The following SLC2A3 variants were observed in gnomAD, a reference collection of about 807,000 sequenced individuals.
The protein encoded by SLC2A3 is solute carrier family 2, facilitated glucose transporter member 3.
A neutral mutation model predicts 46.4 loss-of-function variants in SLC2A3; 21 were observed. That is an observed-to-expected ratio of 0.45 (90% CI 0.32 to 0.65). SLC2A3 has a LOEUF of 0.65. Among genes scored for constraint, SLC2A3 ranks in the 30% least tolerant of loss-of-function variants. The probability of loss-of-function intolerance (pLI) is 0.04; values close to 1 mark genes in which losing one functional copy is unlikely to be tolerated. For missense variants in SLC2A3, 499 were observed against 623.3 expected, an observed-to-expected ratio of 0.80 and a Z score of 2.12; for synonymous variants, 213 against 239.4, an observed-to-expected ratio of 0.89 and a Z score of 1.02.
intron 8 of SLC2A3, among the ~76,000 whole-genome samples, chr12:7,923,613 C>CA (rs58874969): frequency 0.043 from 6,372 of 149,698 alleles, 365 homozygotes; most frequent in East Asian, 0.23. Context: ...AACCCTGTCT[C>CA]AAAAAAAAAA....
chr12:7,922,795 T>C, intron 9 of SLC2A3, 26 bp downstream of exon 9: 1 of 1,613,416 alleles, frequency 6.2e-7, no homozygotes, highest in Non-Finnish European at 8.5e-7. Flanking sequence ...CATAGGCTGG[T>C]TTTAAGATAA....
rs371710025 is a variant in SLC2A3 at position 7,931,536 on chromosome 12, A to G, written c.270-51T>C. 3.1e-4 allele frequency: 500 copies of G among 1,610,080 alleles called. 3 individuals carry two copies. Among genetic ancestry groups the G allele is most frequent in the Non-Finnish European group, 4.0e-4 (468 of 1,177,040 alleles). ...AGAATTAGCAAAGTGAGAGGCTCCT[A>G]ACTTCTCCTCTGTCCTCATTATTCT... On this transcript the variant is annotated intron_variant, in intron 3 of 9. Transcript: ENST00000075120.
In SLC2A3 at chr12:7,922,940, G is replaced by A; in HGVS notation, c.1153C>T (p.Pro385Ser). The A allele has an allele frequency of 1.9e-6, 3 of 1,614,118 alleles. No homozygotes were observed. The highest frequency in any genetic ancestry group is 4.5e-5 in the East Asian group (2 of 44,888). Residue 385 changes from proline (P) to serine (S), a missense_variant, in exon 9 of 10, where the codon CCC becomes TCC. Transcript: ENST00000075120. Reference protein sequence around the residue: ...AFFEIGPGPIPWFIVAELFSQ... With the variant: ...AFFEIGPGPISWFIVAELFSQ... ...AAGAGTTCGGCCACAATAAACCAGG[G>A]AATGGGGCCTGGTCCAATTTCAAAG...
Position 7,936,153 on chromosome 12 carries a change from G to A in SLC2A3, c.-119C>T, listed in dbSNP as rs940239464. ...GCAGCAAGTTTTCTCCACGTCCTCAGGAAGGATCCAAAGTCTTACCATTAC... is the reference window on the plus strand; with the variant it reads ...GCAGCAAGTTTTCTCCACGTCCTCAAGAAGGATCCAAAGTCTTACCATTAC... On this transcript the variant is annotated 5_prime_UTR_variant, in exon 1 of 10. Coordinates refer to ENST00000075120, the MANE Select transcript of SLC2A3 (RefSeq NM_006931.3). 8 of 841,774 alleles carry A rather than the reference G, an allele frequency of 9.5e-6. No individual in the cohort carries two copies. The highest frequency in any genetic ancestry group is 8.3e-5 in the African/African-American group (5 of 59,972). 52.1% of individuals were successfully genotyped at this position (841,774 alleles called of 1,614,324 possible).
Position 7,921,232 on chromosome 12 carries a change from T to G in SLC2A3, c.*181A>C. ...GAAGAGGATGTCCAGGAAATAAAAT[T>G]TAAAAAGCCATTGAAGATCCAACAA... On this transcript the variant is annotated 3_prime_UTR_variant, in exon 10 of 10. Transcript: ENST00000075120. 1 of 1,264,212 alleles carries G rather than the reference T, an allele frequency of 7.9e-7. No individual in the cohort carries two copies. The highest frequency in any genetic ancestry group is 1.1e-6 in the Non-Finnish European group (1 of 914,708). The allele number at this position is 1,264,212 out of a possible 1,614,324, so 78.3% of individuals were successfully genotyped here. A position where few individuals can be genotyped will look rare whatever the true frequency, so the allele number is the denominator to read the frequency against.
rs903575633 is a variant in SLC2A3, at chr12:7,921,484, T to C, written c.1420A>G (p.Arg474Gly). The C allele has an allele frequency of 2.5e-6, 4 of 1,613,856 alleles. No individual in the cohort carries two copies. In the African/African-American group the frequency reaches 5.3e-5, roughly 22 times the overall value. Reference sequence around the variant, plus strand: ...TCCATGACGCCGTCCTTTCCAGATCTATCTGCACCGTGTGCCTGCCCTTCA... The same window carrying C: ...TCCATGACGCCGTCCTTTCCAGATCCATCTGCACCGTGTGCCTGCCCTTCA... ...AFEGQAHGADRSGKDGVMEMN... is the reference protein window; with the variant it reads ...AFEGQAHGADGSGKDGVMEMN... Residue 474 changes from arginine (R) to glycine (G), a missense_variant, in exon 10 of 10, where the codon AGA (arginine) becomes GGA (glycine). Arg to Gly is a moderately radical substitution (Grantham distance 125). Coordinates refer to ENST00000075120, the MANE Select transcript of SLC2A3 (RefSeq NM_006931.3).
At chr12:7,929,608 A>G in intron 6 of SLC2A3, 76 bp downstream of exon 6, 1 of 1,559,758 alleles carries the variant, frequency 6.4e-7, no homozygotes, top group Non-Finnish European at 8.7e-7. Context: ...GGGACTACAG[A>G]GGCACACCGC....
intron 1 of SLC2A3, among the ~76,000 whole-genome samples, chr12:7,935,442 AACTC>A (rs1946202764): frequency 6.6e-6 from 1 of 152,232 alleles, no homozygotes; most frequent in African/African-American, 2.4e-5. Context: ...ACAAGAGTAA[AACTC>A]AATCAGAAAA....
chr12:7,929,106 T>C (rs1156753103), intron 6 of SLC2A3, among the ~76,000 whole-genome samples: 7 of 152,116 alleles, frequency 4.6e-5, no homozygotes, highest in Non-Finnish European at 1.0e-4. Context: ...TAGTAAGTTT[T>C]GCAAAATGCT....
At chr12:7,931,782 G>T (rs1946158561) in intron 3 of SLC2A3, among the ~76,000 whole-genome samples, 1 of 151,280 alleles carries the variant, frequency 6.6e-6, no homozygotes, top group African/African-American at 2.4e-5. Context: ...TTTCTTGGGG[G>T]GTAAAAAAAC....
intron 8 of SLC2A3, 183 bp from the exon 9 acceptor site, chr12:7,923,207 TG>T (rs1946057089): frequency 1.6e-6 from 1 of 637,168 alleles, no homozygotes; most frequent in South Asian, 2.2e-5. Flanking sequence ...CTTACTCTGT[TG>T]CCCATGCTGG....
chr12:7,936,131 G>T lies in SLC2A3; in HGVS notation c.-97C>A. The T allele has an allele frequency of 3.9e-6, 4 of 1,028,406 alleles. No individual in the cohort carries two copies. The highest frequency in any genetic ancestry group is 2.4e-4 in the Middle Eastern group (1 of 4,114). 63.7% of individuals were successfully genotyped at this position (1,028,406 alleles called of 1,614,324 possible). On this transcript the variant is annotated 5_prime_UTR_variant, in exon 1 of 10. It adds an upstream start codon to the 5' untranslated region. Transcript: ENST00000075120. ...AACCTTCAAAATGTCCTTCTCAGCA[G>T]CAAGTTTTCTCCACGTCCTCAGGAA...
rs1346773017 is a variant in SLC2A3 at position 7,920,252 on chromosome 12, A to C, written c.*1161T>G. On this transcript the variant is annotated 3_prime_UTR_variant, in exon 10 of 10. Coordinates refer to ENST00000075120, the MANE Select transcript of SLC2A3 (RefSeq NM_006931.3). The stretch of plus-strand genomic sequence containing the variant: ...AACACCTAAAATCTCCTAAAGAACA[A>C]AGTGGAAAAATAATGAATCTCTACC... 1.3e-5 allele frequency: 2 copies of C among 152,282 alleles called. No homozygotes were observed. The highest frequency in any genetic ancestry group is 4.8e-5 in the African/African-American group (2 of 41,430). The allele number at this position is 152,282 out of a possible 1,614,324, so 9.4% of individuals were successfully genotyped here.
intron 1 of SLC2A3, 128 bp downstream of exon 1, chr12:7,935,892 G>A (rs1946208100): frequency 1.2e-6 from 1 of 802,358 alleles, no homozygotes; most frequent in East Asian, 2.4e-5. Context: ...GGCTAGAGAC[G>A]AAATGAAAAG....
At position 7,920,104 on chromosome 12, in the gene SLC2A3, T is replaced by G. The variant is rs1946020412; in HGVS notation, c.*1309A>C. ...CCGTGAGCCTAAAGCAACAACACAC[T>G]TTAGATAATAATCGCTCAGAAAAAA... On this transcript the variant is annotated 3_prime_UTR_variant, in exon 10 of 10. Transcript: ENST00000075120. The G allele has an allele frequency of 6.6e-6, 1 of 152,462 alleles. No individual in the cohort carries two copies. The highest frequency in any genetic ancestry group is 1.5e-5 in the Non-Finnish European group (1 of 68,022). The allele number at this position is 152,462 out of a possible 1,614,324, so 9.4% of individuals were successfully genotyped here.
intron 4 of SLC2A3, 61 bp downstream of exon 4, chr12:7,931,184 G>A: frequency 6.2e-7 from 1 of 1,600,744 alleles, no homozygotes; most frequent in Non-Finnish European, 8.5e-7. Context: ...CTTTACCTAT[G>A]TTAACTTTTT....
Position 7,930,562 on chromosome 12 carries a change from T to C in SLC2A3, c.591A>G (p.Leu197=), listed in dbSNP as rs774456010. ...LLGFTILPAI[L]QSAALPFCPE... Reference sequence around the variant, plus strand: ...GGCAAAATGGAAGGGCTGCACTTTGTAGGATAGCAGGAAGGATGGTAAAAC... The same window carrying C: ...GGCAAAATGGAAGGGCTGCACTTTGCAGGATAGCAGGAAGGATGGTAAAAC... The change falls in exon 5 of 10, where the codon CTA becomes CTG. Residue 197 remains leucine (L), a synonymous_variant. Transcript: ENST00000075120. 4 of 1,613,918 alleles carry C rather than the reference T, an allele frequency of 2.5e-6. No homozygotes were observed. The highest frequency in any genetic ancestry group is 2.2e-5 in the South Asian group (2 of 91,078).
chr12:7,920,591 G>C lies in SLC2A3; in HGVS notation c.*822C>G, dbSNP rs772159105. The C allele has an allele frequency of 6.6e-6, 1 of 151,850 alleles. No homozygotes were observed. Among genetic ancestry groups the C allele is most frequent in the South Asian group, 2.1e-4 (1 of 4,834 alleles). The allele number at this position is 151,850 out of a possible 1,614,324, so 9.4% of individuals were successfully genotyped here. A position where few individuals can be genotyped will look rare whatever the true frequency, so the allele number is the denominator to read the frequency against. On this transcript the variant is annotated 3_prime_UTR_variant, in exon 10 of 10. Transcript: ENST00000075120. ...TTATATAGGTATATGACTTTTACGA[G>C]AAGTTAAAGAGTTTCCATCTGAAGG...
rs201528048 is a variant in SLC2A3, at chr12:7,922,993, A to G, written c.1100T>C (p.Ile367Thr). ...GGCTACAAAGACCAAGATAGCCCCA[A>G]TACAGACAAAGCTCATCCCATTATA... ...DNYNGMSFVC[I>T]GAILVFVAFF... Residue 367 changes from isoleucine (I) to threonine (T), a missense_variant, in exon 9 of 10, where the codon ATT becomes ACT. By Grantham distance (89) the Ile-to-Thr change is moderately conservative. Transcript: ENST00000075120. The G allele has an allele frequency of 7.7e-5, 124 of 1,614,034 alleles. No homozygotes were observed. The East Asian group carries it at 1.5e-3, about 19-fold the overall frequency.
Sources: gnomAD v4.1 joint callset for allele counts (sites outside exome capture counted in the v4.1 genomes callset) on GRCh38, gnomAD v4.1.1 for gene constraint, MANE v1.5 for transcripts, NCBI Gene and HGNC (gene_info 2026-07-23, HGNC 2026-07-21) for gene names.